C3orf70: variants seen among roughly 807,000 people sequenced by gnomAD.
C3orf70 encodes the protein UPF0524 protein C3orf70.
C3orf70 carries 15 observed loss-of-function variants against 20.7 expected under a neutral mutation model. The observed-to-expected ratio is 0.72, with a 90% CI of 0.48 to 1.11. C3orf70 has a LOEUF of 1.11. C3orf70 is among the 50% of genes most tolerant of loss of function. The pLI is 0.00. For missense variants in C3orf70, 332 were observed against 317.6 expected (o/e 1.05, Z -0.34); for synonymous variants, 161 against 125.7 (o/e 1.28, Z -1.88).
Position 185,077,800 on chromosome 3 carries a change from T to TA in C3orf70, c.*5206dup. On this transcript the variant is annotated 3_prime_UTR_variant, in exon 2 of 2. Transcript: ENST00000335012. ...CTATTTGGTGGTGGTGGGGGGGGGG[T>TA]ATCAAGTTTTATTTGCTATAAACCC... is the stretch of plus-strand genomic sequence containing the variant. Among the ~76,000 whole-genome samples, 1 of 113,120 alleles carries TA rather than the reference T, an allele frequency of 8.8e-6. No individual in the cohort carries two copies. The highest frequency in any genetic ancestry group is 3.3e-4 in the East Asian group (1 of 2,988). The allele number at this position is 113,120 out of a possible 152,430, so 74.2% of individuals were successfully genotyped here.
At chr3:185,108,905 T>C (rs553971425) in intron 1 of C3orf70, among the ~76,000 whole-genome samples, 32 of 152,366 alleles carry the variant, frequency 2.1e-4, no homozygotes, top group Admixed American at 1.5e-3. Flanking sequence ...CTTCTGCCTG[T>C]GTTAAACGTC....
intron 1 of C3orf70, among the ~76,000 whole-genome samples, chr3:185,132,340 T>TA (rs1458369408): frequency 6.6e-6 from 1 of 150,778 alleles, no homozygotes; most frequent in Non-Finnish European, 1.5e-5. Context: ...AAGATATGAG[T>TA]AAAAACAAGT....
chr3:185,079,733 C>T lies in C3orf70; in HGVS notation c.*3274G>A, dbSNP rs192940316. On this transcript the variant is annotated 3_prime_UTR_variant, in exon 2 of 2. Transcript: ENST00000335012. ...AACTTTCCAAAAGTAGGAGTGGTACCAGGTTTCCATGTAAACCCAAGAAAG... is the reference window on the plus strand; with the variant it reads ...AACTTTCCAAAAGTAGGAGTGGTACTAGGTTTCCATGTAAACCCAAGAAAG... 6 of 152,632 alleles carry T rather than the reference C, an allele frequency of 3.9e-5. No individual in the cohort carries two copies. Among genetic ancestry groups the T allele is most frequent in the Middle Eastern group, 3.4e-3 (1 of 292 alleles). 9.5% of individuals were successfully genotyped at this position (152,632 alleles called of 1,614,324 possible). A position where few individuals can be genotyped will look rare whatever the true frequency, so the allele number is the denominator to read the frequency against.
Position 185,136,413 on chromosome 3 carries a change from C to T in C3orf70, c.196+16215G>A, listed in dbSNP as rs950347592. 2.6e-5 allele frequency among the ~76,000 whole-genome samples: 4 copies of T among 151,938 alleles called. No individual in the cohort carries two copies. The East Asian group carries it at 7.7e-4, about 29-fold the overall frequency. The stretch of plus-strand genomic sequence containing the variant: ...GACCAGCCTGGCCAAAATGGAGAAA[C>T]CCTGTCTCTACTAAAAACACAAAAA... On this transcript the variant is annotated intron_variant, in intron 1 of 1. Transcript: ENST00000335012.
At chr3:185,103,823 G>A (rs1715870090) in intron 1 of C3orf70, among the ~76,000 whole-genome samples, 1 of 152,202 alleles carries the variant, frequency 6.6e-6, no homozygotes, top group Non-Finnish European at 1.5e-5. Flanking sequence ...GAAGCCTTTT[G>A]TTCTTTGTGT....
rs1056842299 is a variant in C3orf70 at position 185,081,798 on chromosome 3, T to A, written c.*1209A>T. 6.5e-6 allele frequency: 1 copy of A among 152,696 alleles called. No individual in the cohort carries two copies. The highest frequency in any genetic ancestry group is 6.5e-5 in the Admixed American group (1 of 15,288). 9.5% of individuals were successfully genotyped at this position (152,696 alleles called of 1,614,324 possible). A position where few individuals can be genotyped will look rare whatever the true frequency, so the allele number is the denominator to read the frequency against. On this transcript the variant is annotated 3_prime_UTR_variant, in exon 2 of 2. Transcript: ENST00000335012. ...GGCTATTACACTGGATATTTTCTCC[T>A]GACTTAGCAGCAAACTATTTCAACT...
At chr3:185,116,713 A>G (rs1041455192) in intron 1 of C3orf70, among the ~76,000 whole-genome samples, 1 of 152,224 alleles carries the variant, frequency 6.6e-6, no homozygotes, top group African/African-American at 2.4e-5. Context: ...TGACCTGTTG[A>G]AAAGCAAACA....
In C3orf70 at chr3:185,083,047, G is replaced by C. The variant is rs1228581811; in HGVS notation, c.713C>G (p.Ser238Cys). The C allele has an allele frequency of 6.2e-7, 1 of 1,614,098 alleles. No individual in the cohort carries two copies. Among genetic ancestry groups the C allele is most frequent in the Non-Finnish European group, 8.5e-7 (1 of 1,180,022 alleles). Residue 238 changes from serine (S) to cysteine (C), a missense_variant, in exon 2 of 2, where the codon TCT (serine) becomes TGT (cysteine). By Grantham distance (112) the Ser-to-Cys change is moderately radical. Transcript: ENST00000335012. ...DECTLLSPSQSDLEVIETIET... is the reference protein window; with the variant it reads ...DECTLLSPSQCDLEVIETIET... ...TATCGTTTCAATCACTTCCAGGTCA[G>C]ACTGCGAGGGGGAGAGAAGGGTGCA...
At chr3:185,126,763 A>C (rs1716419797) in intron 1 of C3orf70, among the ~76,000 whole-genome samples, 1 of 152,132 alleles carries the variant, frequency 6.6e-6, no homozygotes, top group Admixed American at 6.5e-5. Flanking sequence ...CCTTGTTCAA[A>C]ACTTACAGAG....
intron 1 of C3orf70, among the ~76,000 whole-genome samples, chr3:185,090,341 G>A (rs1561329181): frequency 6.6e-6 from 1 of 152,226 alleles, no homozygotes; most frequent in Non-Finnish European, 1.5e-5. Context: ...GCTACTGTGT[G>A]TACCTTGCTC....
At chr3:185,133,843 C>T (rs1362805880) in intron 1 of C3orf70, among the ~76,000 whole-genome samples, 2 of 152,142 alleles carry the variant, frequency 1.3e-5, no homozygotes, top group African/African-American at 4.8e-5. Context: ...AATCCTAGCA[C>T]TTTGGGAGGC....
At chr3:185,091,953 ATATATATATATTTTT>A (rs201501010) in intron 1 of C3orf70, among the ~76,000 whole-genome samples, 2,309 of 11,152 alleles carry the variant, frequency 0.21, 221 homozygotes, top group Non-Finnish European at 0.24. Context: ...ATATATATAT[ATATATATATATTTTT>A]TTTTTTTTTT....
intron 1 of C3orf70, among the ~76,000 whole-genome samples, chr3:185,105,452 C>T (rs1295023474): frequency 6.6e-6 from 1 of 152,278 alleles, no homozygotes; most frequent in East Asian, 1.9e-4. Context: ...CTGCAGTTAA[C>T]TAGCCCAACC....
At chr3:185,119,232 A>G (rs1464335919) in intron 1 of C3orf70, among the ~76,000 whole-genome samples, 3 of 152,228 alleles carry the variant, frequency 2.0e-5, no homozygotes, top group Non-Finnish European at 4.4e-5. Context: ...CCAAGTTTTC[A>G]AGAAACAAAT....
intron 1 of C3orf70, among the ~76,000 whole-genome samples, chr3:185,137,294 A>G (rs1716649118): frequency 6.6e-6 from 1 of 151,760 alleles, no homozygotes; most frequent in Non-Finnish European, 1.5e-5. Flanking sequence ...ATCCCATTAA[A>G]CCTCTTTCTT....
At chr3:185,083,851 A>G (rs1228196826) in intron 1 of C3orf70, among the ~76,000 whole-genome samples, 1 of 152,220 alleles carries the variant, frequency 6.6e-6, no homozygotes, top group Non-Finnish European at 1.5e-5. Flanking sequence ...TTTTACAGAC[A>G]ACTTTAAGTA....
At chr3:185,124,804 A>G (rs1346486767) in intron 1 of C3orf70, among the ~76,000 whole-genome samples, 1 of 152,206 alleles carries the variant, frequency 6.6e-6, no homozygotes, top group African/African-American at 2.4e-5. Flanking sequence ...CAGTATATAG[A>G]AAGAGTTAAA....
Position 185,083,063 on chromosome 3 carries a change from G to C in C3orf70, c.697C>G (p.Leu233Val). ...SSWEPDECTL[L>V]SPSQSDLEVI... Reference sequence around the variant, plus strand: ...TCCAGGTCAGACTGCGAGGGGGAGAGAAGGGTGCACTCATCCGGTTCCCAG... The same window carrying C: ...TCCAGGTCAGACTGCGAGGGGGAGACAAGGGTGCACTCATCCGGTTCCCAG... The change falls in exon 2 of 2, where the codon CTC becomes GTC. Residue 233 changes from leucine (L) to valine (V), a missense_variant. Coordinates refer to ENST00000335012, the MANE Select transcript of C3orf70 (RefSeq NM_001025266.3). The C allele has an allele frequency of 1.2e-6, 2 of 1,614,174 alleles. No individual in the cohort carries two copies. Among genetic ancestry groups the C allele is most frequent in the Non-Finnish European group, 1.7e-6 (2 of 1,180,038 alleles).
intron 1 of C3orf70, among the ~76,000 whole-genome samples, chr3:185,132,907 C>A (rs1716550831): frequency 6.6e-6 from 1 of 152,022 alleles, no homozygotes; most frequent in South Asian, 2.1e-4. Flanking sequence ...AAAGGAATGG[C>A]AAAAGAGACA....
Sources: allele counts gnomAD v4.1 joint callset (sites outside exome capture counted in the v4.1 genomes callset), GRCh38; gene constraint gnomAD v4.1.1; transcripts MANE v1.5; gene names NCBI Gene and HGNC (gene_info 2026-07-23, HGNC 2026-07-21).